Variants in COL5A2 observed in about 807,000 individuals in gnomAD.
COL5A2 encodes collagen type V alpha 2 chain.
A neutral mutation model predicts 208.2 loss-of-function variants in COL5A2; 23 were observed. The observed-to-expected ratio is 0.11, with a 90% confidence interval of 0.08 to 0.16. The LOEUF (loss-of-function observed/expected upper bound fraction) is 0.16, where lower values mean the gene tolerates loss of function less well. Ranked by LOEUF, COL5A2 falls within the 10% of genes least tolerant of loss-of-function variation. The pLI is 1.00. For synonymous variants in COL5A2, 625 were observed against 628.5 expected, an observed-to-expected ratio of 0.99 and a Z score of 0.08; for missense variants, 1,590 against 1,956.4, an observed-to-expected ratio of 0.81 and a Z score of 3.53.
At chr2:189,268,975 C>T in the COL5A2 span, among the ~76,000 whole-genome samples, 2 of 152,052 alleles carry the variant, frequency 1.3e-5, no homozygotes, top group Non-Finnish European at 2.9e-5. Context: ...TTGTAATACT[C>T]TGAAACCAAA....
the COL5A2 span, among the ~76,000 whole-genome samples, chr2:189,305,814 T>TA: frequency 2.9e-3 from 410 of 139,552 alleles, 1 homozygote; most frequent in African/African-American, 6.3e-3. Context: ...ATATTCAATC[T>TA]AAAAAAAAAA....
At chr2:189,132,811 C>T (rs753287242) in intron 1 of COL5A2, among the ~76,000 whole-genome samples, 1 of 151,840 alleles carries the variant, frequency 6.6e-6, no homozygotes. Flanking sequence ...GTCCCAGCTA[C>T]TCGGGAGGCT....
At chr2:189,388,901 A>C in the COL5A2 span, among the ~76,000 whole-genome samples, 2 of 152,170 alleles carry the variant, frequency 1.3e-5, no homozygotes, top group African/African-American at 4.8e-5. Flanking sequence ...CAAGAGAACA[A>C]GATGGTTTAG....
the COL5A2 span, among the ~76,000 whole-genome samples, chr2:189,282,478 A>G: frequency 6.6e-6 from 1 of 152,198 alleles, no homozygotes; most frequent in African/African-American, 2.4e-5. Context: ...TCATTCCTGT[A>G]TCTTCCAGCT....
chr2:189,105,680 C>T (rs1687135261), intron 2 of COL5A2, among the ~76,000 whole-genome samples: 1 of 151,238 alleles, frequency 6.6e-6, no homozygotes, highest in Non-Finnish European at 1.5e-5. Context: ...TATTTTTGTA[C>T]ATTTTTATGC....
the COL5A2 span, among the ~76,000 whole-genome samples, chr2:189,313,468 T>C: frequency 1.0e-3 from 157 of 152,206 alleles, 1 homozygote; most frequent in African/African-American, 3.6e-3. Context: ...GTAAAGACCA[T>C]TACCAGTCAT....
the COL5A2 span, among the ~76,000 whole-genome samples, chr2:189,315,742 A>T: frequency 3.9e-5 from 6 of 151,996 alleles, no homozygotes; most frequent in African/African-American, 1.4e-4. Flanking sequence ...GTCTCAAGAT[A>T]CAAAATTATT....
At chr2:189,142,850 C>T (rs184153338) in intron 1 of COL5A2, among the ~76,000 whole-genome samples, 66 of 151,760 alleles carry the variant, frequency 4.3e-4, no homozygotes, top group Non-Finnish European at 7.5e-4. Context: ...TTTTTTTTCA[C>T]TCTGGTTATT....
the COL5A2 span, among the ~76,000 whole-genome samples, chr2:189,305,807 T>G: frequency 3.5e-5 from 4 of 114,228 alleles, no homozygotes; most frequent in African/African-American, 1.1e-4. Context: ...GAGAGAGATA[T>G]TCAATCTAAA....
the COL5A2 span, among the ~76,000 whole-genome samples, chr2:189,240,332 T>G: frequency 6.6e-6 from 1 of 152,186 alleles, no homozygotes; most frequent in African/African-American, 2.4e-5. Context: ...ACTGTCTCAC[T>G]GTATTCTCAC....
chr2:189,399,545 C>T, the COL5A2 span, among the ~76,000 whole-genome samples: 4 of 152,118 alleles, frequency 2.6e-5, no homozygotes, highest in Non-Finnish European at 5.9e-5. Context: ...CCACTGCACC[C>T]TGCCTACATT....
chr2:189,088,552 G>A (rs199718401), intron 8 of COL5A2, 143 bp downstream of exon 8: 1 of 588,342 alleles, frequency 1.7e-6, no homozygotes, highest in South Asian at 1.8e-5. Context: ...GAGTAAATAA[G>A]TTAATTAAAT....
upstream of COL5A2, among the ~76,000 whole-genome samples, chr2:189,181,416 G>A (rs888193651): frequency 2.0e-5 from 3 of 152,158 alleles, no homozygotes; most frequent in Non-Finnish European, 4.4e-5. Flanking sequence ...TCACCTTTCA[G>A]TTAATTCTTT....
intron 1 of COL5A2, among the ~76,000 whole-genome samples, chr2:189,140,617 A>G (rs1401962616): frequency 1.3e-5 from 2 of 152,196 alleles, no homozygotes; most frequent in African/African-American, 2.4e-5. Flanking sequence ...GTACAAAGCT[A>G]TAGTTACAGC....
chr2:189,427,529 T>A, the COL5A2 span, among the ~76,000 whole-genome samples: 3 of 152,044 alleles, frequency 2.0e-5, no homozygotes, highest in South Asian at 6.2e-4. Flanking sequence ...AGGACCACCA[T>A]CCTTCAGACC....
the COL5A2 span, among the ~76,000 whole-genome samples, chr2:189,416,889 T>C: frequency 6.6e-6 from 1 of 152,218 alleles, no homozygotes; most frequent in Admixed American, 6.5e-5. Context: ...TAGGGGACTT[T>C]TGTTCAATGC....
chr2:189,394,000 C>T, the COL5A2 span, among the ~76,000 whole-genome samples: 1 of 152,118 alleles, frequency 6.6e-6, no homozygotes, highest in Non-Finnish European at 1.5e-5. Context: ...CCATTTTCTT[C>T]CATTCAACTT....
chr2:189,077,160 G>A (rs1291831110), intron 16 of COL5A2, among the ~76,000 whole-genome samples: 1 of 152,078 alleles, frequency 6.6e-6, no homozygotes, highest in Non-Finnish European at 1.5e-5. Flanking sequence ...TTAATAGTTG[G>A]TAGTTCTCTC....
the COL5A2 span, among the ~76,000 whole-genome samples, chr2:189,256,147 A>G: frequency 6.6e-6 from 1 of 152,172 alleles, no homozygotes. Flanking sequence ...CTTCCTATAT[A>G]GAGAGGATTT....
Sources: gnomAD v4.1 joint callset for allele counts (sites outside exome capture counted in the v4.1 genomes callset) on GRCh38, gnomAD v4.1.1 for gene constraint, MANE v1.5 for transcripts, NCBI Gene and HGNC (gene_info 2026-07-23, HGNC 2026-07-21) for gene names.